The following KIF18B variants were observed in gnomAD, a reference collection of about 807,000 sequenced individuals.
KIF18B encodes kinesin family member 18B.
A neutral mutation model predicts 80.9 loss-of-function variants in KIF18B; 49 were observed. The ratio of observed to expected loss-of-function variants is 0.61; its 90% CI spans 0.48 to 0.77. The LOEUF (loss-of-function observed/expected upper bound fraction) is 0.77, where lower values mean the gene tolerates loss of function less well. Ranked by LOEUF, KIF18B falls within the 30% of genes least tolerant of loss-of-function variation. The probability of loss-of-function intolerance (pLI) is 0.00; values close to 1 mark genes in which losing one functional copy is unlikely to be tolerated. For missense variants in KIF18B, 994 were observed against 1,127.7 expected (o/e 0.88, Z 1.70); for synonymous variants, 439 against 463.9 (o/e 0.95, Z 0.69).
intron 1 of KIF18B, among the ~76,000 whole-genome samples, chr17:44,939,921 A>G (rs1323814778): frequency 6.6e-6 from 1 of 152,060 alleles, no homozygotes; most frequent in Admixed American, 6.6e-5. Context: ...CTCTTGCCTC[A>G]GCCTCCTGAG....
intron 1 of KIF18B, among the ~76,000 whole-genome samples, chr17:44,938,654 T>C (rs1225591175): frequency 1.3e-5 from 2 of 152,246 alleles, no homozygotes; most frequent in Admixed American, 6.5e-5. Flanking sequence ...TTCTTTCTAA[T>C]TGGTAAGCAA....
At chr17:44,943,030 CA>C (rs1199552344) in intron 1 of KIF18B, among the ~76,000 whole-genome samples, 5 of 152,126 alleles carry the variant, frequency 3.3e-5, no homozygotes, top group Non-Finnish European at 7.4e-5. Context: ...TTGGTACCCA[CA>C]AAAGAACAGC....
chr17:44,935,904 T>C, intron 2 of KIF18B, 128 bp downstream of exon 2: 2 of 793,108 alleles, frequency 2.5e-6, no homozygotes, highest in East Asian at 2.6e-5. Context: ...TGGGACATTG[T>C]ACAAAACTCC....
In KIF18B at chr17:44,936,554, G is replaced by GACTC. The variant is rs1458846072; in HGVS notation, c.-14-200_-14-197dup. On this transcript the variant is annotated intron_variant, in intron 1 of 15. Transcript: ENST00000593135. ...AATACCATCTTTGTCATACTCAAAT[G>GACTC]ACTCTCTCTCTCTCTCTCTCTCTCT... Among the ~76,000 whole-genome samples the GACTC allele has an allele frequency of 4.2e-3, 179 of 42,748 alleles. 10 individuals are homozygous for GACTC. The highest frequency in any genetic ancestry group is 9.4e-3 in the African/African-American group (85 of 9,032). 28.0% of individuals were successfully genotyped at this position (42,748 alleles called of 152,430 possible).
chr17:44,936,616 ATATATATATTTTTTTTTTTTTT>A (rs2052310871), intron 1 of KIF18B, among the ~76,000 whole-genome samples: 8 of 79,786 alleles, frequency 1.0e-4, no homozygotes, highest in African/African-American at 4.1e-4. Flanking sequence ...ATATATATAT[ATATATATATTTTTTTTTTTTTT>A]TTTTTTTTTT....
At chr17:44,945,905 A>AG (rs1319351400) in intron 1 of KIF18B, among the ~76,000 whole-genome samples, 1 of 119,602 alleles carries the variant, frequency 8.4e-6, no homozygotes, top group African/African-American at 2.9e-5. Context: ...ATTCTGTCTC[A>AG]GAAAAAAAAA....
intron 1 of KIF18B, among the ~76,000 whole-genome samples, chr17:44,939,165 G>GT (rs1243462890): frequency 6.6e-6 from 1 of 151,872 alleles, no homozygotes; most frequent in East Asian, 1.9e-4. Flanking sequence ...GAGGTCAGGA[G>GT]TTTGAGACCA....
chr17:44,943,139 G>A (rs1054372568), intron 1 of KIF18B, among the ~76,000 whole-genome samples: 3 of 151,692 alleles, frequency 2.0e-5, no homozygotes, highest in Non-Finnish European at 2.9e-5. Context: ...TCGCTCTGTC[G>A]ACCAGGCTGG....
Position 44,926,010 on chromosome 17 carries a change from G to A in KIF18B, c.*70C>T, listed in dbSNP as rs929278299. ...CCAGCTCCTGGTGCAGGTGGCTACA[G>A]GTCCAAGAGGGGTATCCAGCAGAGG... On this transcript the variant is annotated 3_prime_UTR_variant, in exon 16 of 16. Coordinates refer to ENST00000593135, the MANE Select transcript of KIF18B (RefSeq NM_001265577.2). 2.0e-5 allele frequency: 31 copies of A among 1,555,708 alleles called. No individual in the cohort carries two copies. Among genetic ancestry groups the A allele is most frequent in the Non-Finnish European group, 2.7e-5 (31 of 1,129,894 alleles).
chr17:44,928,407 G>A lies in KIF18B; in HGVS notation c.1895C>T (p.Pro632Leu). The change falls in exon 13 of 16, where the codon CCA becomes CTA. Residue 632 changes from proline (P) to leucine (L), a missense_variant. By Grantham distance (98) the Pro-to-Leu change is moderately conservative. Transcript: ENST00000593135. The part of the protein sequence containing the change: ...RWPMEKKRRR[P>L]SALEADSPMA... The stretch of plus-strand genomic sequence containing the variant: ...GGGACTGTCTGCCTCCAAGGCGCTT[G>A]GTCTCCTCCTCTTCTTCTCCATGGG... The A allele has an allele frequency of 6.4e-7, 1 of 1,553,320 alleles. No homozygotes were observed. The highest frequency in any genetic ancestry group is 8.7e-7 in the Non-Finnish European group (1 of 1,153,144).
intron 1 of KIF18B, among the ~76,000 whole-genome samples, chr17:44,941,378 G>GC (rs372173713): frequency 3.5e-5 from 5 of 141,206 alleles, no homozygotes; most frequent in African/African-American, 1.3e-4. Context: ...TCGCTCTGTC[G>GC]CCCAGACTAG....
chr17:44,935,082 G>C, intron 3 of KIF18B, 147 bp from the exon 4 acceptor site: 1 of 880,206 alleles, frequency 1.1e-6, no homozygotes, highest in Non-Finnish European at 1.7e-6. Context: ...CATGACCACA[G>C]CAGGGTGAAC....
Position 44,928,749 on chromosome 17 carries a change from C to T in KIF18B, c.1723+70G>A, listed in dbSNP as rs2052084719. 4.6e-6 allele frequency: 7 copies of T among 1,512,732 alleles called. No individual in the cohort carries two copies. The East Asian group carries it at 9.5e-5, about 20-fold the overall frequency. The allele number at this position is 1,512,732 out of a possible 1,614,324, so 93.7% of individuals were successfully genotyped here. ...CCCAGCAACTGAGGCCCCTGGACAC[C>T]CCTTGGCCCCAGTGGGGCCTTGAAG... On this transcript the variant is annotated intron_variant, in intron 12 of 15. Transcript: ENST00000593135.
rs763905929 is a variant in KIF18B at position 44,935,256 on chromosome 17, G to C, written c.471+3C>G. The C allele has an allele frequency of 3.8e-6, 6 of 1,598,672 alleles. No individual in the cohort carries two copies. The East Asian group carries it at 1.1e-4, about 30-fold the overall frequency. ...AACAAGGCCCAGGGCAGGGGCAGCC[G>C]ACCTCCTGGTAGCTGATGAGCACCT... On this transcript the variant is annotated splice_donor_region_variant and intron_variant, in intron 3 of 15. Coordinates refer to ENST00000593135, the MANE Select transcript of KIF18B (RefSeq NM_001265577.2).
In KIF18B at chr17:44,924,896, G is replaced by A. The variant is rs2145655712; in HGVS notation, c.*1184C>T. 6.6e-6 allele frequency: 1 copy of A among 152,222 alleles called. No individual in the cohort carries two copies. The highest frequency in any genetic ancestry group is 2.1e-4 in the South Asian group (1 of 4,828). The allele number at this position is 152,222 out of a possible 1,614,324, so 9.4% of individuals were successfully genotyped here. On this transcript the variant is annotated 3_prime_UTR_variant, in exon 16 of 16. Transcript: ENST00000593135. ...GAACGTGTATCCTATGTACAATAGA[G>A]TTAAGCAATAAAGCTGTCTTCATTT...
intron 1 of KIF18B, among the ~76,000 whole-genome samples, chr17:44,946,892 G>A (rs1162122003): frequency 1.3e-5 from 2 of 151,898 alleles, no homozygotes; most frequent in African/African-American, 4.8e-5. Flanking sequence ...AGGCCGAAGC[G>A]GCGGATCGCC....
intron 1 of KIF18B, among the ~76,000 whole-genome samples, chr17:44,942,617 C>T (rs1462773895): frequency 1.3e-5 from 2 of 152,368 alleles, no homozygotes; most frequent in Middle Eastern, 3.4e-3. Flanking sequence ...TGTCCTTAAA[C>T]TCCAAGAGGA....
chr17:44,939,366 CAAAAAAA>C (rs781348504), intron 1 of KIF18B, among the ~76,000 whole-genome samples: 180 of 36,938 alleles, frequency 4.9e-3, no homozygotes, highest in Middle Eastern at 0.029. Context: ...GACTCCATCT[CAAAAAAA>C]AAAAAAAAAA....
intron 7 of KIF18B, among the ~76,000 whole-genome samples, chr17:44,933,249 G>A (rs1267271653): frequency 6.6e-6 from 1 of 152,070 alleles, no homozygotes; most frequent in Non-Finnish European, 1.5e-5. Flanking sequence ...CTCCCTGGGG[G>A]GAGGGAGGAA....
Sources: gnomAD v4.1 joint callset for allele counts (sites outside exome capture counted in the v4.1 genomes callset) on GRCh38, gnomAD v4.1.1 for gene constraint, MANE v1.5 for transcripts, NCBI Gene and HGNC (gene_info 2026-07-23, HGNC 2026-07-21) for gene names.